MPP4: variants seen among roughly 807,000 people sequenced by gnomAD.
MPP4 encodes MAGUK p55 subfamily member 4.
In MPP4, 91 loss-of-function variants were observed where a neutral mutation model predicts 98.3. The observed-to-expected ratio is 0.93, with a 90% CI of 0.78 to 1.10. The LOEUF is 1.10. MPP4 is among the 50% of genes least tolerant of loss of function. MPP4 has a pLI of 0.00. For missense variants in MPP4, 744 were observed against 792.9 expected (o/e 0.94, Z 0.74); for synonymous variants, 261 against 271.8 (o/e 0.96, Z 0.39).
chr2:201,656,125 C>T, intron 17 of MPP4, 73 bp downstream of exon 17: 1 of 1,442,660 alleles, frequency 6.9e-7, no homozygotes, highest in Non-Finnish European at 9.2e-7. Flanking sequence ...ACCATTATTC[C>T]CAATGCAAGA....
At chr2:201,664,013 G>A (rs1688095153) in intron 14 of MPP4, 68 bp downstream of exon 14, 1 of 1,203,946 alleles carries the variant, frequency 8.3e-7, no homozygotes, top group Non-Finnish European at 1.2e-6. Context: ...ATAAATATGT[G>A]TATAAATTGC....
At chr2:201,659,298 A>G (rs1042460531) in intron 15 of MPP4, among the ~76,000 whole-genome samples, 5 of 152,194 alleles carry the variant, frequency 3.3e-5, no homozygotes, top group African/African-American at 4.8e-5. Flanking sequence ...GGTTCATTCT[A>G]TATAAGATAA....
chr2:201,645,131 A>AT lies in MPP4; in HGVS notation c.*78dup. 7.8e-7 allele frequency: 1 copy of AT among 1,274,762 alleles called. No individual in the cohort carries two copies. Among genetic ancestry groups the AT allele is most frequent in the Non-Finnish European group, 1.1e-6 (1 of 943,700 alleles). 79.0% of individuals were successfully genotyped at this position (1,274,762 alleles called of 1,614,324 possible). On this transcript the variant is annotated 3_prime_UTR_variant, in exon 22 of 22. Coordinates refer to ENST00000409474, the MANE Select transcript of MPP4 (RefSeq NM_033066.3). ...AGTTGTACACATTAAAATGGGTCAA[A>AT]TACTGTTGTTTTAGATTGCAACTAT...
At chr2:201,693,339 G>T (rs768937485) in intron 2 of MPP4, among the ~76,000 whole-genome samples, 6 of 152,158 alleles carry the variant, frequency 3.9e-5, no homozygotes, top group African/African-American at 1.4e-4. Flanking sequence ...AAAGGAAAAT[G>T]ATTGCTTTCC....
At chr2:201,690,392 C>A (rs187957559) in intron 3 of MPP4, 113 bp from the exon 4 acceptor site, 12 of 656,712 alleles carry the variant, frequency 1.8e-5, no homozygotes, top group Non-Finnish European at 2.7e-6. Flanking sequence ...AATGGCTGCA[C>A]AGCACGGTGT....
chr2:201,645,145 G>T lies in MPP4; in HGVS notation c.*65C>A, dbSNP rs1687525559. The T allele has an allele frequency of 4.4e-6, 6 of 1,362,724 alleles. No homozygotes were observed. Among genetic ancestry groups the T allele is most frequent in the Non-Finnish European group, 5.9e-6 (6 of 1,011,110 alleles). 84.4% of individuals were successfully genotyped at this position (1,362,724 alleles called of 1,614,324 possible). On this transcript the variant is annotated 3_prime_UTR_variant, in exon 22 of 22. Transcript: ENST00000409474. ...AAATGGGTCAAATACTGTTGTTTTA[G>T]ATTGCAACTATGGATCGCTGTATCA...
At chr2:201,671,178 T>C (rs1688331677) in intron 11 of MPP4, among the ~76,000 whole-genome samples, 1 of 151,154 alleles carries the variant, frequency 6.6e-6, no homozygotes, top group Non-Finnish European at 1.5e-5. Context: ...GTTTGTTTTT[T>C]TTCATACCCC....
At chr2:201,691,556 C>T (rs574964052) in intron 3 of MPP4, among the ~76,000 whole-genome samples, 2 of 152,224 alleles carry the variant, frequency 1.3e-5, no homozygotes, top group Admixed American at 6.5e-5. Context: ...CTCTCTCTGT[C>T]ACACAGGCTG....
intron 10 of MPP4, among the ~76,000 whole-genome samples, chr2:201,678,733 T>A (rs552656482): frequency 1.3e-5 from 2 of 151,606 alleles, no homozygotes; most frequent in Non-Finnish European, 2.9e-5. Context: ...AGGTGGGGGG[T>A]GTGTCCTTGC....
intron 1 of MPP4, chr2:201,697,893 G>C (rs560096615): frequency 1.0e-6 from 1 of 984,816 alleles, no homozygotes; most frequent in East Asian, 1.1e-4. Context: ...AGTCCTGAAA[G>C]ATGCTGATGC....
chr2:201,673,399 T>A (rs1193740349), intron 11 of MPP4: 1 of 153,188 alleles, frequency 6.5e-6, no homozygotes, highest in Non-Finnish European at 1.5e-5. Flanking sequence ...GAGGGGAACA[T>A]CACACACTGG....
chr2:201,657,446 G>A (rs977134989), intron 16 of MPP4, among the ~76,000 whole-genome samples: 4 of 151,934 alleles, frequency 2.6e-5, no homozygotes, highest in African/African-American at 7.3e-5. Flanking sequence ...TGCACATTTC[G>A]ATCTATATTT....
At chr2:201,663,750 CA>C (rs1688089107) in intron 14 of MPP4, among the ~76,000 whole-genome samples, 1 of 152,078 alleles carries the variant, frequency 6.6e-6, no homozygotes, top group African/African-American at 2.4e-5. Flanking sequence ...GGTGTAATGG[CA>C]TATGCCTGTA....
chr2:201,684,897 G>A (rs10432516), intron 7 of MPP4, among the ~76,000 whole-genome samples, 167 bp downstream of exon 7: 7,118 of 147,264 alleles, frequency 0.048, 374 homozygotes, highest in East Asian at 0.29. Flanking sequence ...GCAGTGAGCC[G>A]AGATCACGCC....
chr2:201,651,310 A>G lies in MPP4; in HGVS notation c.1382-1145T>C, dbSNP rs1330159921. 1.9e-5 allele frequency: 19 copies of G among 985,270 alleles called. No homozygotes were observed. The Admixed American group carries it at 1.2e-3, about 61-fold the overall frequency. 61.0% of individuals were successfully genotyped at this position (985,270 alleles called of 1,614,324 possible). A position where few individuals can be genotyped will look rare whatever the true frequency, so the allele number is the denominator to read the frequency against. On this transcript the variant is annotated intron_variant, in intron 18 of 21. Transcript: ENST00000409474. Reference sequence around the variant, plus strand: ...GTCATTTTTGTTTTTTCCTTATTCAAGCCTCTCATCAGATCCTTAGAGTTC... The same window carrying G: ...GTCATTTTTGTTTTTTCCTTATTCAGGCCTCTCATCAGATCCTTAGAGTTC...
At chr2:201,694,608 C>CTTTTTTTTT (rs777556505) in intron 1 of MPP4, among the ~76,000 whole-genome samples, 27 of 78,900 alleles carry the variant, frequency 3.4e-4, no homozygotes, top group African/African-American at 5.2e-4. Flanking sequence ...TTCTTTTTCC[C>CTTTTTTTTT]TTTTTTTTTT....
At chr2:201,681,150 C>A (rs918927594) in intron 9 of MPP4, 116 bp from the exon 10 acceptor site, 21 of 1,051,870 alleles carry the variant, frequency 2.0e-5, no homozygotes, top group African/African-American at 1.4e-4. Flanking sequence ...CCACCTGCTA[C>A]TCCTATCTTT....
intron 18 of MPP4, chr2:201,651,847 A>T (rs1238302251): frequency 1.2e-5 from 4 of 321,242 alleles, no homozygotes; most frequent in Non-Finnish European, 1.3e-5. Flanking sequence ...CCAACTACTC[A>T]GGAGGCTGAG....
chr2:201,664,414 G>A, intron 13 of MPP4: 2 of 1,182,232 alleles, frequency 1.7e-6, no homozygotes, highest in Non-Finnish European at 1.1e-6. Context: ...AAAGTGGAAT[G>A]TCAGGGAAAT....
Sources: allele counts gnomAD v4.1 joint callset (sites outside exome capture counted in the v4.1 genomes callset), GRCh38; gene constraint gnomAD v4.1.1; transcripts MANE v1.5; gene names NCBI Gene and HGNC (gene_info 2026-07-23, HGNC 2026-07-21).